The following LPAR1 variants were observed in gnomAD, a reference collection of about 807,000 sequenced individuals.
The protein encoded by LPAR1 is lysophosphatidic acid receptor 1, also known as LPA receptor 1.
Under a neutral mutation model 23.8 loss-of-function variants are expected in LPAR1, and 5 were observed. That is an observed-to-expected ratio of 0.21 (90% CI 0.11 to 0.44). The LOEUF (loss-of-function observed/expected upper bound fraction) is 0.44. Among genes scored for constraint, LPAR1 ranks in the 20% least tolerant of loss-of-function variants. The pLI, the probability that LPAR1 is intolerant of heterozygous loss-of-function variation, is 0.99. For missense variants in LPAR1, 311 were observed against 482.8 expected, an observed-to-expected ratio of 0.64 and a Z score of 3.33; for synonymous variants, 160 against 164.7, an observed-to-expected ratio of 0.97 and a Z score of 0.22.
At chr9:110,991,026 T>G (rs771798406) in intron 2 of LPAR1, among the ~76,000 whole-genome samples, 11 of 152,190 alleles carry the variant, frequency 7.2e-5, no homozygotes, top group Middle Eastern at 3.4e-3. Context: ...TAAGCAAAAA[T>G]ATAAACTGAA....
intron 2 of LPAR1, among the ~76,000 whole-genome samples, chr9:110,984,815 G>T (rs73541424): frequency 0.031 from 4,577 of 147,142 alleles, 245 homozygotes; most frequent in African/African-American, 0.11. Flanking sequence ...AAAAAAAAAA[G>T]CTATACAGTT....
At chr9:111,024,557 C>T (rs1331691698) in intron 2 of LPAR1, among the ~76,000 whole-genome samples, 3 of 34,954 alleles carry the variant, frequency 8.6e-5, no homozygotes, top group Non-Finnish European at 2.1e-4. Flanking sequence ...TATATATACA[C>T]ACACATATAT....
At chr9:110,993,968 G>A (rs1264668821) in intron 2 of LPAR1, among the ~76,000 whole-genome samples, 1 of 152,082 alleles carries the variant, frequency 6.6e-6, no homozygotes, top group Non-Finnish European at 1.5e-5. Context: ...ATAAAAGTTT[G>A]ACCAAAAAAT....
chr9:110,962,826 G>T (rs1281579691), intron 4 of LPAR1, among the ~76,000 whole-genome samples: 2 of 152,096 alleles, frequency 1.3e-5, no homozygotes, highest in African/African-American at 2.4e-5. Flanking sequence ...TTTTCACACA[G>T]CAGGGAAAGG....
At chr9:110,995,851 G>A (rs1160682838) in intron 2 of LPAR1, among the ~76,000 whole-genome samples, 1 of 152,176 alleles carries the variant, frequency 6.6e-6, no homozygotes, top group Admixed American at 6.5e-5. Context: ...TTATGTGAGT[G>A]GTTAACTCCT....
At chr9:110,912,131 C>A (rs2092529397) in intron 5 of LPAR1, among the ~76,000 whole-genome samples, 1 of 152,146 alleles carries the variant, frequency 6.6e-6, no homozygotes, top group Non-Finnish European at 1.5e-5. Context: ...AACAGTGTGA[C>A]TACATCACAG....
At position 110,941,597 on chromosome 9, in the gene LPAR1, T is replaced by A. The variant is rs780956861; in HGVS notation, c.617A>T (p.Tyr206Phe). Residue 206 changes from tyrosine (Y) to phenylalanine (F), a missense_variant, in exon 5 of 6, where the codon TAC becomes TTC. Physicochemically the swap from Tyr to Phe is conservative, Grantham distance 22. Coordinates refer to ENST00000683809, the MANE Select transcript of LPAR1 (RefSeq NM_001351411.2). This position sits in a 1 kb window ranked among gnomAD's most constrained non-coding sequence, Gnocchi z 6.1. ...GTTGAAAATGGCCCAGAAGACTAAG[T>A]AAGAGTCACTGTAGAGGGGTGCCAT... ...SNMAPLYSDS[Y>F]LVFWAIFNLV... 1.9e-6 allele frequency: 3 copies of A among 1,614,078 alleles called. No individual in the cohort carries two copies. In the Admixed American group the frequency reaches 5.0e-5, roughly 27 times the overall value.
At chr9:111,034,553 C>A (rs1480971258) in intron 2 of LPAR1, among the ~76,000 whole-genome samples, 1 of 152,194 alleles carries the variant, frequency 6.6e-6, no homozygotes, top group Admixed American at 6.5e-5. Flanking sequence ...AAAGCACTAT[C>A]AATTTGCGGA....
At chr9:110,936,328 A>T (rs2094704976) in intron 5 of LPAR1, among the ~76,000 whole-genome samples, 1 of 152,242 alleles carries the variant, frequency 6.6e-6, no homozygotes, top group Non-Finnish European at 1.5e-5. Flanking sequence ...CATCAGAGTG[A>T]ATAAGAAAAC....
At chr9:110,982,607 C>A (rs2096693758) in intron 2 of LPAR1, among the ~76,000 whole-genome samples, 2 of 151,186 alleles carry the variant, frequency 1.3e-5, no homozygotes, top group Admixed American at 6.6e-5. Context: ...CACATGTACC[C>A]CAGAACTTAA....
intron 4 of LPAR1, among the ~76,000 whole-genome samples, chr9:110,963,165 C>T (rs914543145): frequency 1.3e-5 from 2 of 152,138 alleles, no homozygotes; most frequent in Non-Finnish European, 1.5e-5. Context: ...AATAAACAAA[C>T]ATGAAAGGTG....
chr9:110,894,927 G>A (rs2085789580), intron 5 of LPAR1, among the ~76,000 whole-genome samples: 1 of 151,928 alleles, frequency 6.6e-6, no homozygotes, highest in Non-Finnish European at 1.5e-5. Context: ...CCGAGGTGGG[G>A]GAATTGCTTG....
At chr9:110,992,109 T>G (rs548857199) in intron 2 of LPAR1, among the ~76,000 whole-genome samples, 1 of 152,210 alleles carries the variant, frequency 6.6e-6, no homozygotes, top group Admixed American at 6.5e-5. Context: ...ATAAATTAAA[T>G]GGCAAGCCAC....
At chr9:110,914,704 T>G (rs1307020433) in intron 5 of LPAR1, among the ~76,000 whole-genome samples, 1 of 152,212 alleles carries the variant, frequency 6.6e-6, no homozygotes, top group Non-Finnish European at 1.5e-5. Context: ...GATACTGACA[T>G]GGAAGATGCC....
At chr9:110,942,354 T>C (rs1018666981) in intron 4 of LPAR1, among the ~76,000 whole-genome samples, 186 bp from the exon 5 acceptor site, 11 of 152,254 alleles carry the variant, frequency 7.2e-5, no homozygotes, top group African/African-American at 2.7e-4. Flanking sequence ...AATATTACTG[T>C]CCTTAAGATT....
At chr9:110,998,838 G>A (rs559844397) in intron 2 of LPAR1, among the ~76,000 whole-genome samples, 17 of 152,222 alleles carry the variant, frequency 1.1e-4, no homozygotes, top group South Asian at 4.1e-4. Flanking sequence ...TAGCTCTACC[G>A]GAAAGGCAAT....
At chr9:110,888,268 A>G (rs938186076) in intron 5 of LPAR1, among the ~76,000 whole-genome samples, 4 of 152,210 alleles carry the variant, frequency 2.6e-5, no homozygotes, top group Non-Finnish European at 5.9e-5. Context: ...AGCAAAAGCA[A>G]CCCCAATTAA....
rs914347543 is a variant in LPAR1 at position 110,992,817 on chromosome 9, C to T, written c.-181-19259G>A. On this transcript the variant is annotated intron_variant, in intron 2 of 5. Coordinates refer to ENST00000683809, the MANE Select transcript of LPAR1 (RefSeq NM_001351411.2). ...GTGACCAAAAGCAATTAAGTGGTTG[C>T]CTGGGAGTATAAGAGCAGAATGACA... Among the ~76,000 whole-genome samples the T allele has an allele frequency of 4.6e-5, 7 of 151,954 alleles. No individual in the cohort carries two copies. The South Asian group carries it at 1.2e-3, about 27-fold the overall frequency.
chr9:110,881,053 C>T (rs1242678209), intron 5 of LPAR1, among the ~76,000 whole-genome samples: 2 of 152,268 alleles, frequency 1.3e-5, no homozygotes, highest in South Asian at 4.1e-4. Context: ...TTGAGATTAA[C>T]GCTTTTTCTA....
Sources: allele counts gnomAD v4.1 joint callset (sites outside exome capture counted in the v4.1 genomes callset), GRCh38; gene constraint gnomAD v4.1.1; non-coding constraint Gnocchi (gnomAD v3.1); transcripts MANE v1.5; gene names NCBI Gene and HGNC (gene_info 2026-07-23, HGNC 2026-07-21).